Variants in TNR observed in about 807,000 individuals in gnomAD.
TNR encodes the protein tenascin-R.
In TNR, 45 loss-of-function variants were observed where a neutral mutation model predicts 150.4. That is an observed-to-expected ratio of 0.30 (90% CI 0.24 to 0.38). The LOEUF is 0.38. Among genes scored for constraint, TNR ranks in the 10% least tolerant of loss-of-function variants. The pLI is 1.00. For missense variants in TNR, 1,544 were observed against 1,759.1 expected (o/e 0.88, Z 2.19); for synonymous variants, 687 against 678.4 (o/e 1.01, Z -0.20).
intron 1 of TNR, among the ~76,000 whole-genome samples, chr1:175,670,383 G>C (rs554486731): frequency 1.3e-5 from 2 of 152,252 alleles, no homozygotes; most frequent in African/African-American, 4.8e-5. Flanking sequence ...CCTCAGAAGA[G>C]GGTAAAAAAG....
rs549320591 is a variant in TNR, at chr1:175,686,242, C to T, written c.-165+56984G>A. On this transcript the variant is annotated intron_variant, in intron 1 of 22. Transcript: ENST00000367674. ...CCTGGCTAGTTAATTCCCCCAAGTT[C>T]ATTTCCTGATAAAACTGAGAACTAT... Among the ~76,000 whole-genome samples, 3 of 152,338 alleles carry T rather than the reference C, an allele frequency of 2.0e-5. No individual in the cohort carries two copies. In the East Asian group the frequency reaches 5.8e-4, roughly 29 times the overall value.
chr1:175,409,188 G>C (rs757740500), intron 2 of TNR, among the ~76,000 whole-genome samples: 4 of 152,154 alleles, frequency 2.6e-5, no homozygotes, highest in Non-Finnish European at 2.9e-5. Context: ...ACACACAGAC[G>C]GGGTCTTGGC....
At chr1:175,679,407 G>A (rs551528670) in intron 1 of TNR, among the ~76,000 whole-genome samples, 1 of 152,354 alleles carries the variant, frequency 6.6e-6, no homozygotes, top group East Asian at 1.9e-4. Context: ...AGTGCTTGAT[G>A]CTAAAGTAGC....
chr1:175,541,071 A>G (rs1328877859), intron 1 of TNR, among the ~76,000 whole-genome samples: 1 of 152,034 alleles, frequency 6.6e-6, no homozygotes, highest in Non-Finnish European at 1.5e-5. Flanking sequence ...TTTCATCTGC[A>G]TAGAAACACC....
intron 1 of TNR, among the ~76,000 whole-genome samples, chr1:175,604,503 G>T (rs1363667201): frequency 2.0e-5 from 3 of 152,212 alleles, no homozygotes; most frequent in African/African-American, 4.8e-5. Flanking sequence ...CAGTGGGAAG[G>T]CTGGGCAGCA....
intron 2 of TNR, among the ~76,000 whole-genome samples, chr1:175,439,059 AT>A (rs1175923301): frequency 6.6e-6 from 1 of 152,232 alleles, no homozygotes; most frequent in Non-Finnish European, 1.5e-5. Context: ...ATGAGCCCTC[AT>A]TGCAAAGTCA....
intron 1 of TNR, among the ~76,000 whole-genome samples, chr1:175,568,790 G>A (rs1661749055): frequency 6.6e-6 from 1 of 152,156 alleles, no homozygotes; most frequent in Admixed American, 6.5e-5. Context: ...CTTGAAGGAA[G>A]CCATAATGGC....
At chr1:175,724,249 C>T (rs1205311781) in intron 1 of TNR, among the ~76,000 whole-genome samples, 2 of 152,190 alleles carry the variant, frequency 1.3e-5, no homozygotes, top group Non-Finnish European at 2.9e-5. Context: ...ATGATGCTGG[C>T]ATCTGCTTGT....
At chr1:175,651,470 G>A (rs1042928763) in intron 1 of TNR, among the ~76,000 whole-genome samples, 18 of 151,924 alleles carry the variant, frequency 1.2e-4, no homozygotes, top group Non-Finnish European at 1.6e-4. Flanking sequence ...TAAAAAAATA[G>A]TATTGAAGAA....
intron 2 of TNR, among the ~76,000 whole-genome samples, chr1:175,495,092 T>C (rs1046849666): frequency 6.6e-6 from 1 of 152,176 alleles, no homozygotes; most frequent in Non-Finnish European, 1.5e-5. Flanking sequence ...ATTTATTTAA[T>C]GACAATTATG....
At chr1:175,365,818 C>A in intron 11 of TNR, 57 bp downstream of exon 11, 1 of 1,568,044 alleles carries the variant, frequency 6.4e-7, no homozygotes, top group Non-Finnish European at 8.6e-7. Flanking sequence ...GAATGAATTT[C>A]TCACACTGAG....
chr1:175,568,117 A>G (rs750609541), intron 1 of TNR, among the ~76,000 whole-genome samples: 4 of 152,238 alleles, frequency 2.6e-5, no homozygotes, highest in Non-Finnish European at 4.4e-5. Context: ...CTCAAGCCCA[A>G]GCCTCTGTGG....
At position 175,570,899 on chromosome 1, in the gene TNR, A is replaced by AG. The variant is rs1371657456; in HGVS notation, c.-164-42531dup. 6.6e-5 allele frequency among the ~76,000 whole-genome samples: 10 copies of AG among 152,250 alleles called. No individual in the cohort carries two copies. In the South Asian group the frequency reaches 2.1e-3, roughly 32 times the overall value. ...CTCTTCACATGACACCAGAATCTCC[A>AG]GGTTTTTTCATTGGAGGCTACTCCT... On this transcript the variant is annotated intron_variant, in intron 1 of 22. Coordinates refer to ENST00000367674, the MANE Select transcript of TNR (RefSeq NM_003285.3).
At chr1:175,379,332 C>A (rs1557896209) in intron 9 of TNR, among the ~76,000 whole-genome samples, 1 of 152,154 alleles carries the variant, frequency 6.6e-6, no homozygotes, top group Non-Finnish European at 1.5e-5. Flanking sequence ...GCACTCCAGC[C>A]TGGGTGACAG....
At chr1:175,367,661 C>T (rs976096994) in intron 9 of TNR, among the ~76,000 whole-genome samples, 3 of 152,152 alleles carry the variant, frequency 2.0e-5, no homozygotes, top group Non-Finnish European at 2.9e-5. Flanking sequence ...TTGTGAATTT[C>T]GGGAGTATGT....
At position 175,324,320 on chromosome 1, in the gene TNR, C is replaced by G. The variant is rs1649232210; in HGVS notation, c.3957+36G>C. The G allele has an allele frequency of 2.5e-6, 4 of 1,603,230 alleles. No individual in the cohort carries two copies. The East Asian group carries it at 8.9e-5, about 36-fold the overall frequency. ...CTAAGGGAGCACGGATTCCACAGCT[C>G]TGGCTCATTCATAGCAGAGGTGGAG... On this transcript the variant is annotated intron_variant, in intron 22 of 22. Coordinates refer to ENST00000367674, the MANE Select transcript of TNR (RefSeq NM_003285.3).
At chr1:175,650,763 CCT>C (rs1335839665) in intron 1 of TNR, among the ~76,000 whole-genome samples, 298 of 1,914 alleles carry the variant, frequency 0.16, no homozygotes, top group South Asian at 0.27. Context: ...CCTGATTACT[CCT>C]CCTCCCCGAC....
chr1:175,356,495 T>C, intron 15 of TNR, 33 bp from the exon 16 acceptor site: 2 of 1,612,500 alleles, frequency 1.2e-6, no homozygotes, highest in Non-Finnish European at 1.7e-6. Context: ...AAGGGTTGAA[T>C]AAGGCTACTC....
At chr1:175,638,537 C>G (rs542567875) in intron 1 of TNR, among the ~76,000 whole-genome samples, 1 of 152,348 alleles carries the variant, frequency 6.6e-6, no homozygotes, top group Admixed American at 6.5e-5. Flanking sequence ...TGCTCTGGAC[C>G]TCTGCACCAG....
Sources: gnomAD v4.1 joint callset for allele counts (sites outside exome capture counted in the v4.1 genomes callset) on GRCh38, gnomAD v4.1.1 for gene constraint, MANE v1.5 for transcripts, NCBI Gene and HGNC (gene_info 2026-07-23, HGNC 2026-07-21) for gene names.